RSRC1: variants seen among roughly 807,000 people sequenced by gnomAD.
RSRC1 encodes serine/Arginine-related protein 53.
Under a neutral mutation model 49.1 loss-of-function variants are expected in RSRC1, and 39 were observed. The ratio of observed to expected loss-of-function variants is 0.79; its 90% CI spans 0.61 to 1.04. RSRC1 has a LOEUF of 1.04. Among genes scored for constraint, RSRC1 ranks in the 50% least tolerant of loss-of-function variants. RSRC1 has a pLI of 0.00. For missense variants in RSRC1, 388 were observed against 402.4 expected, an observed-to-expected ratio of 0.96 and a Z score of 0.31; for synonymous variants, 143 against 130.8, an observed-to-expected ratio of 1.09 and a Z score of -0.63.
intron 5 of RSRC1, among the ~76,000 whole-genome samples, chr3:158,331,857 C>T (rs1035340426): frequency 2.0e-5 from 3 of 146,602 alleles, no homozygotes; most frequent in Admixed American, 6.9e-5. Context: ...GGGTGTTAAT[C>T]ATGTGGTAAA....
At chr3:158,518,150 T>TA (rs1560073833) in intron 7 of RSRC1, among the ~76,000 whole-genome samples, 389 of 83,256 alleles carry the variant, frequency 4.7e-3, no homozygotes, top group Non-Finnish European at 7.5e-3. Context: ...ATATATATAT[T>TA]TTTTTTTTTT....
In RSRC1 at chr3:158,303,565, C is replaced by G. The variant is rs559989150; in HGVS notation, c.531+5490C>G. On this transcript the variant is annotated intron_variant, in intron 5 of 9. Transcript: ENST00000611884. ...TTGAAATTATGCATTTCAACAAGCT[C>G]CTAAGCAAGGTTAATGCTGCTGGTT... 1.9e-4 allele frequency: 29 copies of G among 152,182 alleles called. 1 individual carries two copies. The East Asian group carries it at 5.2e-3, about 27-fold the overall frequency. The allele number at this position is 152,182 out of a possible 1,614,324, so 9.4% of individuals were successfully genotyped here. A position where few individuals can be genotyped will look rare whatever the true frequency, so the allele number is the denominator to read the frequency against.
At chr3:158,355,187 G>T (rs1445696662) in intron 6 of RSRC1, among the ~76,000 whole-genome samples, 1 of 151,684 alleles carries the variant, frequency 6.6e-6, no homozygotes, top group African/African-American at 2.4e-5. Flanking sequence ...TGATTAATTT[G>T]TCTTTTATGT....
intron 7 of RSRC1, among the ~76,000 whole-genome samples, chr3:158,529,214 GTA>G (rs10596761): frequency 0.27 from 38,712 of 142,886 alleles, 5,251 homozygotes; most frequent in South Asian, 0.4. Context: ...ATGTGTGTGT[GTA>G]TATATATATA....
At chr3:158,328,651 T>C (rs901371890) in intron 5 of RSRC1, among the ~76,000 whole-genome samples, 2 of 152,224 alleles carry the variant, frequency 1.3e-5, no homozygotes, top group African/African-American at 4.8e-5. Flanking sequence ...CCTTTCTCTC[T>C]GGCTGCCCTT....
At chr3:158,217,010 C>CT (rs1315829870) in intron 4 of RSRC1, among the ~76,000 whole-genome samples, 2 of 151,616 alleles carry the variant, frequency 1.3e-5, no homozygotes, top group Admixed American at 6.6e-5. Flanking sequence ...TAGGCCAGAA[C>CT]TATTCTTAGA....
chr3:158,145,868 C>G (rs1000314811), intron 3 of RSRC1, among the ~76,000 whole-genome samples: 1 of 152,068 alleles, frequency 6.6e-6, no homozygotes, highest in Non-Finnish European at 1.5e-5. Flanking sequence ...AGTTGGATTC[C>G]TAGGTATTTT....
chr3:158,408,447 C>A (rs1734264862), intron 6 of RSRC1, among the ~76,000 whole-genome samples: 1 of 152,138 alleles, frequency 6.6e-6, no homozygotes. Flanking sequence ...AATTTGCTAT[C>A]TTGAAAAACA....
At chr3:158,416,568 A>G (rs987391959) in intron 6 of RSRC1, among the ~76,000 whole-genome samples, 9 of 152,002 alleles carry the variant, frequency 5.9e-5, no homozygotes, top group African/African-American at 2.2e-4. Flanking sequence ...CAGGCACATC[A>G]ATGAGCAAGG....
intron 3 of RSRC1, among the ~76,000 whole-genome samples, chr3:158,143,789 A>C (rs1274344079): frequency 6.6e-6 from 1 of 152,226 alleles, no homozygotes; most frequent in African/African-American, 2.4e-5. Context: ...TATCCCACCA[A>C]GAGGATATTA....
At chr3:158,173,125 A>G (rs1272722179) in intron 3 of RSRC1, among the ~76,000 whole-genome samples, 1 of 152,002 alleles carries the variant, frequency 6.6e-6, no homozygotes, top group Non-Finnish European at 1.5e-5. Flanking sequence ...TCAAATATAA[A>G]TCATAGGCTT....
intron 6 of RSRC1, among the ~76,000 whole-genome samples, chr3:158,384,111 G>A (rs533764650): frequency 1.6e-4 from 24 of 152,138 alleles, no homozygotes; most frequent in Non-Finnish European, 2.4e-4. Flanking sequence ...GATAGTTTTC[G>A]AAATATGTCA....
intron 4 of RSRC1, among the ~76,000 whole-genome samples, chr3:158,260,523 G>A (rs919999643): frequency 6.6e-6 from 1 of 152,126 alleles, no homozygotes; most frequent in Non-Finnish European, 1.5e-5. Flanking sequence ...TTCTGCCTGG[G>A]ATTAGGGGAG....
In RSRC1 at chr3:158,419,763, T is replaced by G. The variant is rs138136340; in HGVS notation, c.584-41172T>G. ...CTGTCCCCTCACAGGATAGACTTTT[T>G]TTATTCTAAAAACTCAGAGATATAC... On this transcript the variant is annotated intron_variant, in intron 6 of 9. Transcript: ENST00000611884. 7.1e-3 allele frequency among the ~76,000 whole-genome samples: 1,084 copies of G among 151,810 alleles called. 15 individuals carry two copies. The highest frequency in any genetic ancestry group is 0.025 in the African/African-American group (1,053 of 41,424).
intron 4 of RSRC1, among the ~76,000 whole-genome samples, chr3:158,233,497 G>A (rs1723078923): frequency 1.3e-5 from 2 of 152,106 alleles, no homozygotes; most frequent in African/African-American, 4.8e-5. Context: ...TTTAATACAA[G>A]CACTTGTGTA....
chr3:158,183,987 C>T (rs962384347), intron 3 of RSRC1, among the ~76,000 whole-genome samples: 3 of 151,946 alleles, frequency 2.0e-5, no homozygotes, highest in Non-Finnish European at 2.9e-5. Flanking sequence ...GGTGGGGTTT[C>T]GCTTTTAAGT....
intron 3 of RSRC1, among the ~76,000 whole-genome samples, chr3:158,131,529 G>A (rs1297463288): frequency 6.6e-6 from 1 of 152,160 alleles, no homozygotes; most frequent in Non-Finnish European, 1.5e-5. Context: ...CACCCATTGT[G>A]TGTGGGTAGC....
intron 5 of RSRC1, among the ~76,000 whole-genome samples, chr3:158,337,018 AC>A (rs1269580559): frequency 1.3e-5 from 2 of 152,158 alleles, no homozygotes; most frequent in East Asian, 3.8e-4. Flanking sequence ...GCCTGAGTTA[AC>A]TGGCATGGAT....
chr3:158,348,687 A>G (rs774845402), intron 5 of RSRC1, among the ~76,000 whole-genome samples: 3 of 151,806 alleles, frequency 2.0e-5, no homozygotes, highest in Non-Finnish European at 4.4e-5. Flanking sequence ...TGATCCACAT[A>G]TTGGACATTG....
Sources: gnomAD v4.1 joint callset for allele counts (sites outside exome capture counted in the v4.1 genomes callset) on GRCh38, gnomAD v4.1.1 for gene constraint, MANE v1.5 for transcripts, NCBI Gene and HGNC (gene_info 2026-07-23, HGNC 2026-07-21) for gene names.